Variants in TCERG1 observed in about 807,000 individuals in gnomAD.
TCERG1 encodes the protein TATA box binding protein (TBP)-associated factor, RNA polymerase II, S, 150kD.
A neutral mutation model predicts 144.7 loss-of-function variants in TCERG1; 37 were observed. That is an observed-to-expected ratio of 0.26 (90% CI 0.20 to 0.34). TCERG1 has a LOEUF of 0.34. Ranked by LOEUF, TCERG1 falls within the 10% of genes least tolerant of loss-of-function variation. TCERG1 has a pLI of 1.00. For missense variants in TCERG1, 1,027 were observed against 1,380.7 expected (o/e 0.74, Z 4.06); for synonymous variants, 492 against 458.2 (o/e 1.07, Z -0.94).
At position 146,496,099 on chromosome 5, in the gene TCERG1, C is replaced by T. The variant is rs566384806; in HGVS notation, c.2283-2437C>T. On this transcript the variant is annotated intron_variant, in intron 16 of 22. Coordinates refer to ENST00000679501, the MANE Select transcript of TCERG1 (RefSeq NM_001382548.1). ...ACCTGGAGGCGGAGGTTGCAGTGAG[C>T]CAAGATCGCGCCACTGGTTAAAGCT... is the stretch of plus-strand genomic sequence containing the variant. Among the ~76,000 whole-genome samples, 4 of 152,292 alleles carry T rather than the reference C, an allele frequency of 2.6e-5. No homozygotes were observed. In the East Asian group the frequency reaches 5.8e-4, roughly 22 times the overall value.
At chr5:146,475,074 A>G (rs76228500) in intron 9 of TCERG1, among the ~76,000 whole-genome samples, 8,221 of 152,198 alleles carry the variant, frequency 0.054, 291 homozygotes, top group Middle Eastern at 0.11. Context: ...TTTAATCTAT[A>G]TACAATCCAC....
At chr5:146,493,232 G>A (rs995368091) in intron 16 of TCERG1, among the ~76,000 whole-genome samples, 194 bp downstream of exon 16, 6 of 152,054 alleles carry the variant, frequency 3.9e-5, no homozygotes, top group Non-Finnish European at 8.8e-5. Flanking sequence ...AGTGCTCTAA[G>A]AAGGGTACCT....
intron 18 of TCERG1, 116 bp downstream of exon 18, chr5:146,503,655 A>G (rs1767687044): frequency 2.1e-6 from 3 of 1,399,108 alleles, no homozygotes; most frequent in Non-Finnish European, 2.9e-6. Context: ...TCTTGTTAGT[A>G]TTCTTAACAT....
chr5:146,482,355 G>T (rs1765434200), intron 13 of TCERG1: 2 of 309,138 alleles, frequency 6.5e-6, no homozygotes, highest in Non-Finnish European at 1.2e-5. Context: ...CCCATTAAAG[G>T]TGTATTTTTT....
intron 1 of TCERG1, among the ~76,000 whole-genome samples, chr5:146,452,136 G>A (rs1365204335): frequency 6.6e-6 from 1 of 152,108 alleles, no homozygotes; most frequent in Non-Finnish European, 1.5e-5. Flanking sequence ...AGAATTGAAC[G>A]ATGATGTGGT....
intron 1 of TCERG1, among the ~76,000 whole-genome samples, chr5:146,453,981 C>T (rs188789590): frequency 2.7e-3 from 396 of 147,752 alleles, no homozygotes; most frequent in African/African-American, 8.1e-3. Context: ...GCAGATCATG[C>T]GGTCAGGAGA....
intron 8 of TCERG1, 73 bp from the exon 9 acceptor site, chr5:146,471,415 T>G: frequency 1.5e-6 from 2 of 1,372,458 alleles, no homozygotes; most frequent in Non-Finnish European, 2.0e-6. Context: ...TTGAGCTGTT[T>G]GCCTTCATGT....
intron 7 of TCERG1, chr5:146,469,948 C>G: frequency 2.4e-6 from 1 of 413,274 alleles, no homozygotes; most frequent in Non-Finnish European, 4.2e-6. Context: ...TTTTTTCCAT[C>G]TGGAGAAATG....
At chr5:146,448,883 G>A (rs1486967870) in intron 1 of TCERG1, among the ~76,000 whole-genome samples, 1 of 152,046 alleles carries the variant, frequency 6.6e-6, no homozygotes, top group Non-Finnish European at 1.5e-5. Context: ...ATTTATTAGG[G>A]AACATTCTTT....
In TCERG1 at chr5:146,484,617, T is replaced by G. The variant is rs1581503046; in HGVS notation, c.2163+988T>G. On this transcript the variant is annotated intron_variant, in intron 15 of 22. Coordinates refer to ENST00000679501, the MANE Select transcript of TCERG1 (RefSeq NM_001382548.1). ...CTTGGAATAGAAAGACATAACTTCC[T>G]TAATGTATTTGCATCTTCATTTTAA... is the stretch of plus-strand genomic sequence containing the variant. 4.6e-5 allele frequency among the ~76,000 whole-genome samples: 7 copies of G among 152,364 alleles called. No individual in the cohort carries two copies. The South Asian group carries it at 1.5e-3, about 32-fold the overall frequency.
At chr5:146,503,218 T>C in intron 17 of TCERG1, 157 bp from the exon 18 acceptor site, 1 of 575,378 alleles carries the variant, frequency 1.7e-6, no homozygotes, top group Non-Finnish European at 2.9e-6. Flanking sequence ...TCTGATCTTT[T>C]ACTGTAATTC....
At chr5:146,482,493 C>T in intron 13 of TCERG1, 99 bp from the exon 14 acceptor site, 1 of 1,222,472 alleles carries the variant, frequency 8.2e-7, no homozygotes, top group Non-Finnish European at 1.1e-6. Context: ...ATATGCTGCT[C>T]AGTAGTGAGT....
chr5:146,488,844 C>G (rs2150661910), intron 15 of TCERG1, among the ~76,000 whole-genome samples: 1 of 152,234 alleles, frequency 6.6e-6, no homozygotes, highest in Admixed American at 6.5e-5. Context: ...CAACAGATGA[C>G]TGGATAAAGA....
At position 146,463,704 on chromosome 5, in the gene TCERG1, C is replaced by G. The variant is rs200240095; in HGVS notation, c.1046C>G (p.Pro349Arg). ...TLPPAVPHSV[P>R]QPTTAIPAFP... is the part of the protein sequence containing the mutation. Reference sequence around the variant, plus strand: ...CCTCCTGCTGTTCCTCATTCAGTACCTCAGCCAACAACAGCAATACCTGCT... The same window carrying G: ...CCTCCTGCTGTTCCTCATTCAGTACGTCAGCCAACAACAGCAATACCTGCT... The change falls in exon 5 of 23, where the codon CCT becomes CGT. Residue 349 changes from proline to arginine, a missense_variant. Pro to Arg is a moderately radical substitution (Grantham distance 103). Coordinates refer to ENST00000679501, the MANE Select transcript of TCERG1 (RefSeq NM_001382548.1). 2 of 1,614,244 alleles carry G rather than the reference C, an allele frequency of 1.2e-6. No individual in the cohort carries two copies. Among genetic ancestry groups the G allele is most frequent in the Non-Finnish European group, 1.7e-6 (2 of 1,180,048 alleles).
chr5:146,461,736 T>C (rs527375968), intron 4 of TCERG1, among the ~76,000 whole-genome samples: 2 of 152,242 alleles, frequency 1.3e-5, no homozygotes, highest in African/African-American at 4.8e-5. Context: ...TAAATTTTAA[T>C]TTTCTGAGCT....
chr5:146,500,973 A>G (rs1486815285), intron 17 of TCERG1, among the ~76,000 whole-genome samples: 2 of 149,748 alleles, frequency 1.3e-5, no homozygotes, highest in African/African-American at 4.9e-5. Context: ...GTTCCACTGC[A>G]CTCCAGCCTG....
chr5:146,457,473 A>T (rs1429629576), intron 3 of TCERG1, 138 bp downstream of exon 3: 1 of 818,430 alleles, frequency 1.2e-6, no homozygotes, highest in Non-Finnish European at 1.8e-6. Flanking sequence ...AGACTTCAGG[A>T]GAAGCTGACT....
chr5:146,505,023 C>T (rs898795658), intron 19 of TCERG1, among the ~76,000 whole-genome samples: 33 of 147,108 alleles, frequency 2.2e-4, no homozygotes, highest in East Asian at 1.2e-3. Flanking sequence ...TCCAGCCTGG[C>T]GACAGAGTGA....
At chr5:146,487,292 T>C (rs1373853073) in intron 15 of TCERG1, among the ~76,000 whole-genome samples, 1 of 151,988 alleles carries the variant, frequency 6.6e-6, no homozygotes, top group East Asian at 1.9e-4. Flanking sequence ...TATAAGATAC[T>C]GATGAAAGAA....
Sources: gnomAD v4.1 joint callset for allele counts (sites outside exome capture counted in the v4.1 genomes callset) on GRCh38, gnomAD v4.1.1 for gene constraint, MANE v1.5 for transcripts, NCBI Gene and HGNC (gene_info 2026-07-23, HGNC 2026-07-21) for gene names.